TOX2: variants seen among roughly 807,000 people sequenced by gnomAD.
TOX2 encodes the protein TOX high mobility group box family member 2.
TOX2 carries 15 observed loss-of-function variants against 47.4 expected under a neutral mutation model. The observed-to-expected ratio is 0.32, with a 90% CI of 0.21 to 0.49. The LOEUF (loss-of-function observed/expected upper bound fraction) is 0.49, where lower values mean the gene tolerates loss of function less well. Ranked by LOEUF, TOX2 falls within the 20% of genes least tolerant of loss-of-function variation. The probability of loss-of-function intolerance (pLI) is 0.99; values close to 1 mark genes in which losing one functional copy is unlikely to be tolerated. For synonymous variants in TOX2, 290 were observed against 296.6 expected (o/e 0.98, Z 0.23); for missense variants, 622 against 673.1 (o/e 0.92, Z 0.84).
intron 1 of TOX2, chr20:43,946,131 G>C (rs2069467102): frequency 1.3e-6 from 2 of 1,546,310 alleles, no homozygotes; most frequent in Admixed American, 3.7e-5. Flanking sequence ...GGGGCAGGCA[G>C]GGACCTGGAC....
At chr20:43,996,298 G>T (rs1270567981) in intron 2 of TOX2, among the ~76,000 whole-genome samples, 5 of 152,182 alleles carry the variant, frequency 3.3e-5, no homozygotes, top group Non-Finnish European at 5.9e-5. Flanking sequence ...GCTGGTGCGG[G>T]TTTTACTTGT....
At chr20:43,990,059 A>G (rs6031278) in intron 2 of TOX2, among the ~76,000 whole-genome samples, 70,608 of 151,990 alleles carry the variant, frequency 0.46, 19,139 homozygotes, top group African/African-American at 0.76. Flanking sequence ...GTGTGGCTTT[A>G]TGCAAGCTTC....
intron 3 of TOX2, among the ~76,000 whole-genome samples, chr20:44,022,299 C>G (rs968699331): frequency 1.3e-5 from 2 of 152,074 alleles, no homozygotes; most frequent in Non-Finnish European, 2.9e-5. Flanking sequence ...GCCCTCTGAA[C>G]TTTAGTGTTT....
At position 44,066,028 on chromosome 20, in the gene TOX2, C is replaced by T; in HGVS notation, c.1277C>T (p.Ala426Val). 6.2e-7 allele frequency: 1 copy of T among 1,602,104 alleles called. No individual in the cohort carries two copies. The highest frequency in any genetic ancestry group is 8.5e-7 in the Non-Finnish European group (1 of 1,175,092). The part of the protein sequence containing the change: ...LLSPPVSMSP[A>V]PQPPVLPTPM... ...AGTCCACCTGTTAGCATGTCCCCAG[C>T]CCCCCAGCCCCCTGTCCTGCCCACC... is the stretch of plus-strand genomic sequence containing the variant. Residue 426 changes from alanine to valine, a missense_variant, in exon 7 of 9, where the codon GCC becomes GTC. This residue lies in a region of TOX2 where 294 missense variants were observed against 300.0 expected (regional missense o/e 0.98). Transcript: ENST00000341197.
At chr20:44,030,318 A>G (rs2071129970) in intron 3 of TOX2, among the ~76,000 whole-genome samples, 1 of 152,318 alleles carries the variant, frequency 6.6e-6, no homozygotes, top group Admixed American at 6.5e-5. Flanking sequence ...TCTGAGTCTC[A>G]GATGGTGGCT....
chr20:44,063,759 T>TAC (rs368029156), intron 5 of TOX2, among the ~76,000 whole-genome samples: 1,504 of 148,258 alleles, frequency 0.01, 29 homozygotes, highest in African/African-American at 0.035. Flanking sequence ...CATATATATG[T>TAC]ACACACACAC....
intron 3 of TOX2, among the ~76,000 whole-genome samples, chr20:44,048,174 G>A (rs1047495947): frequency 1.7e-4 from 26 of 151,938 alleles, no homozygotes; most frequent in Admixed American, 7.9e-4. Flanking sequence ...GTGGTGAGCC[G>A]AGATAGCATC....
intron 3 of TOX2, among the ~76,000 whole-genome samples, chr20:44,010,639 G>A (rs2070763686): frequency 6.6e-6 from 1 of 152,182 alleles, no homozygotes; most frequent in African/African-American, 2.4e-5. Context: ...GGGCATACAC[G>A]CTACGTGGGT....
intron 2 of TOX2, among the ~76,000 whole-genome samples, chr20:43,995,255 T>C (rs1334814755): frequency 6.6e-6 from 1 of 152,166 alleles, no homozygotes; most frequent in African/African-American, 2.4e-5. Flanking sequence ...CTATTAAACA[T>C]GTCTGGGGTG....
chr20:44,062,199 ATATACCTAGAAAACCCTAAAGAC>A (rs2071728948), intron 5 of TOX2, among the ~76,000 whole-genome samples: 2 of 152,038 alleles, frequency 1.3e-5, no homozygotes, highest in African/African-American at 4.8e-5. Flanking sequence ...TGGGATTATC[ATATACCTAGAAAACCCTAAAGAC>A]TCATCCAAAA....
At chr20:43,987,477 G>A (rs545369613) in intron 2 of TOX2, among the ~76,000 whole-genome samples, 34 of 152,278 alleles carry the variant, frequency 2.2e-4, no homozygotes, top group Non-Finnish European at 4.0e-4. Flanking sequence ...AAAATTCATT[G>A]AGCTGTACAT....
At chr20:43,963,382 G>C (rs2069795735) in intron 1 of TOX2, among the ~76,000 whole-genome samples, 1 of 106,892 alleles carries the variant, frequency 9.4e-6, no homozygotes, top group South Asian at 3.2e-4. Flanking sequence ...GACATTCCCA[G>C]CTCCTGCGGC....
At chr20:44,062,819 AC>A (rs1292192629) in intron 5 of TOX2, among the ~76,000 whole-genome samples, 1 of 152,162 alleles carries the variant, frequency 6.6e-6, no homozygotes, top group African/African-American at 2.4e-5. Flanking sequence ...AGATTAGAGA[AC>A]CCAGATATAA....
At chr20:44,029,146 C>T (rs2071109894) in intron 3 of TOX2, among the ~76,000 whole-genome samples, 1 of 152,240 alleles carries the variant, frequency 6.6e-6, no homozygotes. Context: ...GAACAGCAAG[C>T]CTCGCCCTCC....
intron 1 of TOX2, among the ~76,000 whole-genome samples, chr20:43,934,169 C>CA: frequency 1.4e-5 from 1 of 73,250 alleles, no homozygotes; most frequent in African/African-American, 3.7e-5. Context: ...GAGAGAGAGA[C>CA]CTGCCCTCAG....
At chr20:44,042,486 T>C (rs912693853) in intron 3 of TOX2, among the ~76,000 whole-genome samples, 1 of 152,202 alleles carries the variant, frequency 6.6e-6, no homozygotes, top group Non-Finnish European at 1.5e-5. Flanking sequence ...GTTAAAGGGC[T>C]CAAAATTATG....
At chr20:43,953,583 A>T (rs1474238517) in intron 1 of TOX2, among the ~76,000 whole-genome samples, 1 of 152,130 alleles carries the variant, frequency 6.6e-6, no homozygotes, top group Non-Finnish European at 1.5e-5. Context: ...GGCTGGTGGC[A>T]AGGTCAGTGT....
chr20:44,019,873 C>T lies in TOX2; in HGVS notation c.411+13081C>T, dbSNP rs73292454. Among the ~76,000 whole-genome samples, 504 of 152,278 alleles carry T rather than the reference C, an allele frequency of 3.3e-3. 4 individuals are homozygous for T. The highest frequency in any genetic ancestry group is 0.011 in the African/African-American group (470 of 41,550). On this transcript the variant is annotated intron_variant, in intron 3 of 8. Coordinates refer to ENST00000341197, the MANE Select transcript of TOX2 (RefSeq NM_001098797.2). ...TGTTGAATGGACAAAACCTAAATCA[C>T]CCCAGGGAGTTGTGGAAAGGATCAA...
chr20:43,935,454 G>A (rs555826050), intron 1 of TOX2, among the ~76,000 whole-genome samples: 1 of 152,216 alleles, frequency 6.6e-6, no homozygotes, highest in African/African-American at 2.4e-5. Context: ...GGGACGAGGA[G>A]GAACTACTGT....
Sources: allele counts gnomAD v4.1 joint callset (sites outside exome capture counted in the v4.1 genomes callset), GRCh38; gene constraint gnomAD v4.1.1; regional missense constraint gnomAD v4.1.1; transcripts MANE v1.5; gene names NCBI Gene and HGNC (gene_info 2026-07-23, HGNC 2026-07-21).